The following TRAPPC9 variants were observed in gnomAD, a reference collection of about 807,000 sequenced individuals.
TRAPPC9 encodes trafficking protein particle complex subunit 9.
Under a neutral mutation model 124.0 loss-of-function variants are expected in TRAPPC9, and 83 were observed. The ratio of observed to expected loss-of-function variants is 0.67; its 90% CI spans 0.56 to 0.80. The LOEUF (loss-of-function observed/expected upper bound fraction) is 0.80. Ranked by LOEUF, TRAPPC9 falls within the 30% of genes least tolerant of loss-of-function variation. The probability of loss-of-function intolerance (pLI) is 0.00; values close to 1 mark genes in which losing one functional copy is unlikely to be tolerated. For missense variants in TRAPPC9, 1,302 were observed against 1,508.3 expected (o/e 0.86, Z 2.27); for synonymous variants, 638 against 617.5 (o/e 1.03, Z -0.49).
At chr8:139,815,885 G>C (rs1052960637) in intron 21 of TRAPPC9, among the ~76,000 whole-genome samples, 1 of 152,224 alleles carries the variant, frequency 6.6e-6, no homozygotes, top group Non-Finnish European at 1.5e-5. Flanking sequence ...TGACTCTTAG[G>C]AGCTCACTGA....
chr8:140,198,251 A>C (rs1430602822), intron 17 of TRAPPC9, among the ~76,000 whole-genome samples: 1 of 152,228 alleles, frequency 6.6e-6, no homozygotes, highest in African/African-American at 2.4e-5. Flanking sequence ...CCTTTCCCAA[A>C]GCAGACCTCC....
chr8:140,217,755 C>A (rs1050573366), intron 17 of TRAPPC9, among the ~76,000 whole-genome samples: 1 of 152,128 alleles, frequency 6.6e-6, no homozygotes, highest in Non-Finnish European at 1.5e-5. Context: ...GTGGCTCATG[C>A]CAGTAATCCC....
rs1359381167 is a variant in TRAPPC9 at position 139,962,872 on chromosome 8, T to C, written c.2810+25854A>G. On this transcript the variant is annotated intron_variant, in intron 19 of 22. Coordinates refer to ENST00000438773, the MANE Select transcript of TRAPPC9 (RefSeq NM_001160372.4). ...ACTTATGCAGAGGCTGGAGGGAGGC[T>C]GGGCCATGAGCCAAGGAGTGCAGGG... Among the ~76,000 whole-genome samples, 4 of 62,796 alleles carry C rather than the reference T, an allele frequency of 6.4e-5. 1 individual carries two copies. In the East Asian group the frequency reaches 1.6e-3, roughly 26 times the overall value. 41.2% of individuals were successfully genotyped at this position (62,796 alleles called of 152,430 possible).
At chr8:140,066,903 A>C (rs1842919101) in intron 17 of TRAPPC9, among the ~76,000 whole-genome samples, 1 of 152,232 alleles carries the variant, frequency 6.6e-6, no homozygotes, top group South Asian at 2.1e-4. Context: ...TGTCAGAGGA[A>C]GAAAGGCTCC....
chr8:139,996,158 C>CAAAAAAAAAAA, intron 18 of TRAPPC9, among the ~76,000 whole-genome samples: 17 of 19,408 alleles, frequency 8.8e-4, no homozygotes, highest in Non-Finnish European at 1.0e-3. Context: ...AAAACTTAAG[C>CAAAAAAAAAAA]AAAAAAAAAA....
chr8:140,058,514 A>C (rs1184385792), intron 17 of TRAPPC9, among the ~76,000 whole-genome samples: 5 of 152,228 alleles, frequency 3.3e-5, no homozygotes, highest in Admixed American at 2.6e-4. Flanking sequence ...CTAGCTGTGC[A>C]CCCGGAAAAC....
At chr8:139,920,406 C>T (rs1259958886) in intron 19 of TRAPPC9, among the ~76,000 whole-genome samples, 1 of 152,210 alleles carries the variant, frequency 6.6e-6, no homozygotes, top group Admixed American at 6.5e-5. Flanking sequence ...CATTTAAAGT[C>T]TGAAAGACCT....
At chr8:139,882,038 C>G (rs923556364) in intron 21 of TRAPPC9, among the ~76,000 whole-genome samples, 2 of 152,178 alleles carry the variant, frequency 1.3e-5, no homozygotes, top group Non-Finnish European at 2.9e-5. Context: ...GCCACAGATT[C>G]AAGGAGAGCC....
intron 21 of TRAPPC9, among the ~76,000 whole-genome samples, chr8:139,751,121 GC>G (rs1015300714): frequency 1.2e-4 from 19 of 152,328 alleles, no homozygotes; most frequent in African/African-American, 4.1e-4. Flanking sequence ...AATTAGCACA[GC>G]CCTGCCTGGG....
At chr8:140,273,994 G>A (rs751580633) in intron 15 of TRAPPC9, among the ~76,000 whole-genome samples, 8 of 152,086 alleles carry the variant, frequency 5.3e-5, no homozygotes, top group Non-Finnish European at 8.8e-5. Flanking sequence ...ACTGGGCCCC[G>A]GCTCCCCAGG....
chr8:139,779,976 C>A (rs1821683235), intron 21 of TRAPPC9, among the ~76,000 whole-genome samples: 1 of 152,066 alleles, frequency 6.6e-6, no homozygotes, highest in Admixed American at 6.5e-5. Flanking sequence ...ACAAGAGCTA[C>A]ACGAGGAAAA....
At chr8:140,417,972 A>T (rs957926327) in intron 5 of TRAPPC9, among the ~76,000 whole-genome samples, 5 of 152,202 alleles carry the variant, frequency 3.3e-5, no homozygotes, top group Non-Finnish European at 7.3e-5. Flanking sequence ...CAGAAAACCA[A>T]ACACCACATG....
chr8:140,322,665 CAA>C (rs752277470), intron 9 of TRAPPC9, among the ~76,000 whole-genome samples: 2 of 127,278 alleles, frequency 1.6e-5, no homozygotes, highest in Non-Finnish European at 1.7e-5. Context: ...CCCATCTCTA[CAA>C]AAAAAAAAAA....
intron 17 of TRAPPC9, among the ~76,000 whole-genome samples, chr8:140,093,667 T>TAA (rs35712232): frequency 1.5e-4 from 21 of 137,722 alleles, no homozygotes; most frequent in African/African-American, 3.5e-4. Context: ...GACTTCGTCT[T>TAA]AAAAAAAAAA....
chr8:140,413,632 G>A (rs2132475196), intron 5 of TRAPPC9, among the ~76,000 whole-genome samples: 1 of 147,472 alleles, frequency 6.8e-6, no homozygotes, highest in Admixed American at 6.7e-5. Context: ...TTAGCATTAG[G>A]TATATCTCCT....
chr8:140,213,726 GGCTCCCCAAA>G (rs2063121561), intron 17 of TRAPPC9, among the ~76,000 whole-genome samples: 1 of 152,232 alleles, frequency 6.6e-6, no homozygotes, highest in South Asian at 2.1e-4. Context: ...GGAACCAACA[GGCTCCCCAAA>G]GCCAACCATG....
At chr8:139,793,295 G>A (rs1822826653) in intron 21 of TRAPPC9, among the ~76,000 whole-genome samples, 1 of 152,096 alleles carries the variant, frequency 6.6e-6, no homozygotes, top group Non-Finnish European at 1.5e-5. Flanking sequence ...CACGCAAAGT[G>A]CCCACCCCGG....
intron 14 of TRAPPC9, among the ~76,000 whole-genome samples, chr8:140,282,904 C>T (rs28698752): frequency 0.029 from 4,381 of 152,092 alleles, 192 homozygotes; most frequent in African/African-American, 0.099. Context: ...TTTCCTGTAA[C>T]GCTAAAAAAC....
At chr8:139,964,264 A>T (rs940771871) in intron 19 of TRAPPC9, among the ~76,000 whole-genome samples, 1 of 147,058 alleles carries the variant, frequency 6.8e-6, no homozygotes, top group Non-Finnish European at 1.5e-5. Flanking sequence ...GCACCTCAGG[A>T]GGCCAGGGAA....
Sources: allele counts gnomAD v4.1 joint callset (sites outside exome capture counted in the v4.1 genomes callset), GRCh38; gene constraint gnomAD v4.1.1; transcripts MANE v1.5; gene names NCBI Gene and HGNC (gene_info 2026-07-23, HGNC 2026-07-21).